HLA-DQB2: variants seen among roughly 807,000 people sequenced by gnomAD.
HLA-DQB2 encodes the protein major histocompatibility complex, class II, DQ beta 2.
A neutral mutation model predicts 29.2 loss-of-function variants in HLA-DQB2; 24 were observed. The observed-to-expected ratio is 0.82, with a 90% confidence interval of 0.60 to 1.16. The LOEUF (loss-of-function observed/expected upper bound fraction) is 1.16, where lower values mean the gene tolerates loss of function less well. Among genes scored for constraint, HLA-DQB2 ranks in the 50% most tolerant of loss-of-function variants. The pLI, the probability that HLA-DQB2 is intolerant of heterozygous loss-of-function variation, is 0.00. For missense variants in HLA-DQB2, 273 were observed against 343.6 expected (o/e 0.79, Z 1.62); for synonymous variants, 104 against 133.1 (o/e 0.78, Z 1.51).
intron 1 of HLA-DQB2, 72 bp downstream of exon 1, chr6:32,763,302 C>T (rs1359760786): frequency 2.5e-6 from 2 of 786,348 alleles, no homozygotes; most frequent in Non-Finnish European, 4.4e-6. Flanking sequence ...AGATCACCAT[C>T]CCCCATACTC....
intron 1 of HLA-DQB2, 69 bp from the exon 2 acceptor site, chr6:32,761,995 A>C: frequency 1.9e-6 from 3 of 1,547,776 alleles, no homozygotes; most frequent in East Asian, 2.4e-5. Flanking sequence ...GCCGGACCGC[A>C]CCCTTCAGCC....
chr6:32,757,402 T>C, intron 4 of HLA-DQB2, 98 bp from the exon 5 acceptor site: 1 of 882,844 alleles, frequency 1.1e-6, no homozygotes, highest in South Asian at 1.5e-5. Context: ...TGGGGTTATA[T>C]CCTCTTCCCT....
rs1421092781 is a variant in HLA-DQB2, at chr6:32,761,816, T to C, written c.208A>G (p.Ser70Gly). The C allele has an allele frequency of 1.2e-6, 2 of 1,602,486 alleles. No homozygotes were observed. Among genetic ancestry groups the C allele is most frequent in the Non-Finnish European group, 8.5e-7 (1 of 1,174,542 alleles). Residue 70 changes from serine to glycine, a missense_variant, in exon 2 of 6, where the codon AGC (serine) becomes GGC (glycine). By Grantham distance (56) the Ser-to-Gly change is moderately conservative. Transcript: ENST00000437316. ...YNREEYGRFD[S>G]DVGEFQAVTE... ...ACCGCCTGGAACTCCCCAACGTCGC[T>C]GTCGAAGCGCCCGTACTCCTCGCGG...
rs1476994943 is a variant in HLA-DQB2, at chr6:32,756,288, G to C, written c.*165C>G. The C allele has an allele frequency of 1.5e-6, 1 of 650,554 alleles. No individual in the cohort carries two copies. Among genetic ancestry groups the C allele is most frequent in the Non-Finnish European group, 2.8e-6 (1 of 353,994 alleles). 40.3% of individuals were successfully genotyped at this position (650,554 alleles called of 1,614,324 possible). ...AGTGCAGGAAGCAGAGTCACCACCA[G>C]TGCCTTGGGATGGGGATCACAGAAG... On this transcript the variant is annotated 3_prime_UTR_variant, in exon 6 of 6. Coordinates refer to ENST00000437316, the MANE Select transcript of HLA-DQB2 (RefSeq NM_001300790.2).
In HLA-DQB2 at chr6:32,756,164, G is replaced by C. The variant is rs1764247687; in HGVS notation, c.*289C>G. On this transcript the variant is annotated 3_prime_UTR_variant, in exon 6 of 6. Transcript: ENST00000437316. ...TCAGGTAAATGATTTTGTTTGTCAT[G>C]CTTCTCTTGACAGGTCTGTGGGGGG... 1 of 462,600 alleles carries C rather than the reference G, an allele frequency of 2.2e-6. No homozygotes were observed. Among genetic ancestry groups the C allele is most frequent in the Non-Finnish European group, 3.8e-6 (1 of 262,600 alleles). 28.7% of individuals were successfully genotyped at this position (462,600 alleles called of 1,614,324 possible).
chr6:32,757,064 G>T, intron 5 of HLA-DQB2: 1 of 1,404,286 alleles, frequency 7.1e-7, no homozygotes. Context: ...CTATCGCCCA[G>T]ACTGGAGTGC....
At position 32,757,865 on chromosome 6, in the gene HLA-DQB2, G is replaced by T. The variant is rs1430942433; in HGVS notation, c.665C>A (p.Ala222Asp). 2 of 1,612,694 alleles carry T rather than the reference G, an allele frequency of 1.2e-6. No homozygotes were observed. The highest frequency in any genetic ancestry group is 1.7e-6 in the Non-Finnish European group (2 of 1,179,502). Residue 222 changes from alanine (A) to aspartate (D), a missense_variant, in exon 4 of 6, where the codon GCC becomes GAC. Transcript: ENST00000437316. Reference protein sequence around the residue: ...TVEWRAQSESAQSKMLSGIGG... With the variant: ...TVEWRAQSESDQSKMLSGIGG... ...AATGCCACTCAGCATCTTGCTCTGG[G>T]CAGATTCAGACTGAGCCCCTAAGGA... is the stretch of plus-strand genomic sequence containing the variant.
chr6:32,757,720 T>G, intron 4 of HLA-DQB2, 53 bp downstream of exon 4: 3 of 1,180,016 alleles, frequency 2.5e-6, no homozygotes, highest in East Asian at 5.7e-5. Flanking sequence ...CCTCTCTGAA[T>G]AGAGGGTCTG....
chr6:32,763,467 C>G lies in HLA-DQB2; in HGVS notation c.4G>C (p.Ala2Pro). Reference protein sequence around the residue: MALQIPGGFWAA... With the variant: MPLQIPGGFWAA... The stretch of plus-strand genomic sequence containing the variant: ...CAAAAGCCTCCAGGGATCTGCAGAG[C>G]CATCTTCCAAGACGTAAGTGAGACC... The change falls in exon 1 of 6, where the codon GCT becomes CCT. Residue 2 changes from alanine to proline, a missense_variant. By Grantham distance (27) the Ala-to-Pro change is conservative. Coordinates refer to ENST00000437316, the MANE Select transcript of HLA-DQB2 (RefSeq NM_001300790.2). The G allele has an allele frequency of 6.4e-7, 1 of 1,553,286 alleles. No homozygotes were observed. The highest frequency in any genetic ancestry group is 8.7e-7 in the Non-Finnish European group (1 of 1,147,628).
intron 2 of HLA-DQB2, 118 bp from the exon 3 acceptor site, chr6:32,759,249 T>G: frequency 1.3e-5 from 17 of 1,280,904 alleles, no homozygotes; most frequent in Middle Eastern, 1.9e-4. Context: ...GGAGTCCAAG[T>G]CTTGGATTAA....
intron 3 of HLA-DQB2, among the ~76,000 whole-genome samples, 188 bp downstream of exon 3, chr6:32,758,662 T>C (rs1764487869): frequency 6.6e-6 from 1 of 152,172 alleles, no homozygotes; most frequent in Admixed American, 6.5e-5. Flanking sequence ...ATCTCCCTGG[T>C]ATCTGGAAAG....
intron 2 of HLA-DQB2, among the ~76,000 whole-genome samples, chr6:32,761,150 C>G (rs1007697944): frequency 2.0e-5 from 3 of 152,276 alleles, no homozygotes; most frequent in Admixed American, 6.5e-5. Flanking sequence ...TCTTATTTCA[C>G]AACTGTAATT....
Position 32,757,274 on chromosome 6 carries a change from A to G in HLA-DQB2, c.781+7T>C. 2 of 1,550,498 alleles carry G rather than the reference A, an allele frequency of 1.3e-6. No homozygotes were observed. The highest frequency in any genetic ancestry group is 1.7e-6 in the Non-Finnish European group (2 of 1,146,916). On this transcript the variant is annotated splice_region_variant and intron_variant, in intron 5 of 5. Transcript: ENST00000437316. Reference sequence around the variant, plus strand: ...CTCCCCTGACTGGATCATGGCTGAAATATTACCTGCTGGTGGAGGCCCTCG... The same window carrying G: ...CTCCCCTGACTGGATCATGGCTGAAGTATTACCTGCTGGTGGAGGCCCTCG...
rs758680827 is a variant in HLA-DQB2 at position 32,759,107 on chromosome 6, G to T, written c.389C>A (p.Pro130Gln). Residue 130 changes from proline (P) to glutamine (Q), a missense_variant, in exon 3 of 6, where the codon CCA (proline) becomes CAA (glutamine). By Grantham distance (76) the Pro-to-Gln change is moderately conservative (BLOSUM62 -1). Coordinates refer to ENST00000437316, the MANE Select transcript of HLA-DQB2 (RefSeq NM_001300790.2). ...RQVEPTVTIS[P>Q]SRTEALNHHN... ...GTGGTTGAGGGCCTCTGTCCTGGAT[G>T]GGGAGATGGTCACTGTGGGCTCCAC... 1.2e-6 allele frequency: 2 copies of T among 1,613,672 alleles called. No homozygotes were observed. Among genetic ancestry groups the T allele is most frequent in the Admixed American group, 3.3e-5 (2 of 60,034 alleles).
Position 32,763,342 on chromosome 6 carries a change from G to A in HLA-DQB2, c.97+32C>T, listed in dbSNP as rs73404804. ...CCAAGGAGAGCCTGTTCCCACAGTG[G>A]TGGCTCTCGAGAGCAGCTGCCCTGC... On this transcript the variant is annotated intron_variant, in intron 1 of 5. Transcript: ENST00000437316. The A allele has an allele frequency of 6.3e-4, 826 of 1,315,510 alleles. 5 individuals carry two copies. In the African/African-American group the frequency reaches 0.01, roughly 17 times the overall value. The allele number at this position is 1,315,510 out of a possible 1,614,324, so 81.5% of individuals were successfully genotyped here.
chr6:32,761,105 C>G (rs1764750089), intron 2 of HLA-DQB2, among the ~76,000 whole-genome samples: 3 of 152,268 alleles, frequency 2.0e-5, no homozygotes, highest in Admixed American at 2.0e-4. Context: ...AACAGAATTA[C>G]GATGAATAAT....
chr6:32,759,710 C>T (rs770560931), intron 2 of HLA-DQB2, among the ~76,000 whole-genome samples: 1 of 152,164 alleles, frequency 6.6e-6, no homozygotes, highest in Non-Finnish European at 1.5e-5. Flanking sequence ...AGCTGCCTAC[C>T]CTACTCCATC....
chr6:32,757,042 C>T lies in HLA-DQB2; in HGVS notation c.781+239G>A, dbSNP rs1335622921. 1.1e-5 allele frequency: 13 copies of T among 1,173,144 alleles called. 1 individual carries two copies. Among genetic ancestry groups the T allele is most frequent in the South Asian group, 1.1e-4 (5 of 47,460 alleles). The allele number at this position is 1,173,144 out of a possible 1,614,324, so 72.7% of individuals were successfully genotyped here. ...ATGCTCTTCTTTTTTTTTTTTGAGACAGACTCTAGCTCTATCGCCCAGACT... is the reference window on the plus strand; with the variant it reads ...ATGCTCTTCTTTTTTTTTTTTGAGATAGACTCTAGCTCTATCGCCCAGACT... On this transcript the variant is annotated intron_variant, in intron 5 of 5. Transcript: ENST00000437316.
Position 32,758,972 on chromosome 6 carries a change from A to C in HLA-DQB2, c.524T>G (p.Ile175Ser). The C allele has an allele frequency of 6.2e-7, 1 of 1,614,206 alleles. No homozygotes were observed. The highest frequency in any genetic ancestry group is 1.1e-5 in the South Asian group (1 of 91,086). The change falls in exon 3 of 6, where the codon ATT becomes AGT. Residue 175 changes from isoleucine (I) to serine (S), a missense_variant. Ile to Ser is a moderately radical substitution (Grantham distance 142). Coordinates refer to ENST00000437316, the MANE Select transcript of HLA-DQB2 (RefSeq NM_001300790.2). ...ETAGVVSTSL[I>S]RNGDWTFQIL... is the part of the protein sequence containing the mutation. The stretch of plus-strand genomic sequence containing the variant: ...CTGGAAGGTCCAGTCACCATTCCTA[A>C]TGAGGGAGGTGGACACAACACCGGC...
Sources: allele counts gnomAD v4.1 joint callset (sites outside exome capture counted in the v4.1 genomes callset), GRCh38; gene constraint gnomAD v4.1.1; transcripts MANE v1.5; gene names NCBI Gene and HGNC (gene_info 2026-07-23, HGNC 2026-07-21).